The following SLC23A3 variants were observed in gnomAD, a reference collection of about 807,000 sequenced individuals.
The protein encoded by SLC23A3 is E2-binding protein 3.
A neutral mutation model predicts 64.7 loss-of-function variants in SLC23A3; 41 were observed. The ratio of observed to expected loss-of-function variants is 0.63; its 90% CI spans 0.49 to 0.82. The LOEUF is 0.82. SLC23A3 is among the 40% of genes least tolerant of loss of function. The pLI, the probability that SLC23A3 is intolerant of heterozygous loss-of-function variation, is 0.00. For synonymous variants in SLC23A3, 281 were observed against 306.8 expected (o/e 0.92, Z 0.88); for missense variants, 647 against 733.4 (o/e 0.88, Z 1.36).
rs1278880481 is a variant in SLC23A3 at position 219,162,213 on chromosome 2, G to C, written c.1538-9C>G. 1.9e-5 allele frequency: 31 copies of C among 1,610,912 alleles called. No homozygotes were observed. Among genetic ancestry groups the C allele is most frequent in the Non-Finnish European group, 2.5e-5 (29 of 1,177,572 alleles). ...TCGCTCAAGCTGTGTGCCTGCAAAA[G>C]AGAGGTTTGTCAGGCTATTGCCCAT... On this transcript the variant is annotated splice_polypyrimidine_tract_variant and intron_variant, in intron 11 of 11. Transcript: ENST00000409878.
rs556004037 is a variant in SLC23A3, at chr2:219,165,296, G to T, written c.1040C>A (p.Pro347Gln). 2 of 1,551,482 alleles carry T rather than the reference G, an allele frequency of 1.3e-6. No individual in the cohort carries two copies. The highest frequency in any genetic ancestry group is 1.4e-5 in the African/African-American group (1 of 73,060). ...LCGRLLHLPP[P>Q]PPHACSRGLS... is the part of the protein sequence containing the mutation. ...CCCTCGACTGCAGGCATGTGGAGGTGGGGGAGGCAAATGCAGCAGCCGGCC... is the reference window on the plus strand; with the variant it reads ...CCCTCGACTGCAGGCATGTGGAGGTTGGGGAGGCAAATGCAGCAGCCGGCC... Residue 347 changes from proline to glutamine, a missense_variant, in exon 8 of 12, where the codon CCA (proline) becomes CAA (glutamine). Physicochemically the swap from Pro to Gln is moderately conservative, Grantham distance 76 (BLOSUM62 -1). Coordinates refer to ENST00000409878, the MANE Select transcript of SLC23A3 (RefSeq NM_001144889.2).
chr2:219,163,098 T>C (rs1391712143), intron 10 of SLC23A3, among the ~76,000 whole-genome samples: 1 of 152,252 alleles, frequency 6.6e-6, no homozygotes, highest in African/African-American at 2.4e-5. Flanking sequence ...GCTCTGTTAC[T>C]GGATCACCTC....
chr2:219,162,122 C>T lies in SLC23A3; in HGVS notation c.1620G>A (p.Arg540=). The part of the protein sequence containing the change: ...AQEARMPQKP[R]EKAAQVYRLP... ...GTCTGTACACTTGAGCAGCCTTCTCCCTGGGCTTCTGAGGCATTCGAGCCT... is the reference window on the plus strand; with the variant it reads ...GTCTGTACACTTGAGCAGCCTTCTCTCTGGGCTTCTGAGGCATTCGAGCCT... The change falls in exon 12 of 12, where the codon AGG becomes AGA. Residue 540 remains arginine, a synonymous_variant. Transcript: ENST00000409878. 6.2e-7 allele frequency: 1 copy of T among 1,614,164 alleles called. No homozygotes were observed. Among genetic ancestry groups the T allele is most frequent in the Non-Finnish European group, 8.5e-7 (1 of 1,180,034 alleles).
Position 219,168,844 on chromosome 2 carries a change from A to G in SLC23A3, c.493-11T>C, listed in dbSNP as rs1263412052. 6.3e-7 allele frequency: 1 copy of G among 1,575,304 alleles called. No homozygotes were observed. Among genetic ancestry groups the G allele is most frequent in the South Asian group, 1.2e-5 (1 of 84,720 alleles). ...CACTGCCCCGGACACCTGGTAGAAG[A>G]GAGGAGAGGATGGAGAGAAAACATT... On this transcript the variant is annotated splice_polypyrimidine_tract_variant and intron_variant, in intron 4 of 11. Coordinates refer to ENST00000409878, the MANE Select transcript of SLC23A3 (RefSeq NM_001144889.2).
intron 7 of SLC23A3, 28 bp downstream of exon 7, chr2:219,167,902 G>A (rs1950019453): frequency 1.3e-6 from 2 of 1,483,980 alleles, no homozygotes; most frequent in Non-Finnish European, 9.2e-7. Flanking sequence ...ATTTGAACAA[G>A]AGAATGGAGG....
intron 10 of SLC23A3, 42 bp from the exon 11 acceptor site, chr2:219,162,436 T>C: frequency 6.7e-7 from 1 of 1,482,322 alleles, no homozygotes; most frequent in South Asian, 1.2e-5. Flanking sequence ...ACTCTGATCC[T>C]ATATCCAAGC....
rs2106374262 is a variant in SLC23A3, at chr2:219,161,863, A to G, written c.*46T>C. ...AGTTTGGGAGCTGACTCTCCAGCAG[A>G]TGAGAGTTAGGGCTAAATTAACCAG... On this transcript the variant is annotated 3_prime_UTR_variant, in exon 12 of 12. Coordinates refer to ENST00000409878, the MANE Select transcript of SLC23A3 (RefSeq NM_001144889.2). 1 of 1,503,484 alleles carries G rather than the reference A, an allele frequency of 6.7e-7. No homozygotes were observed. Among genetic ancestry groups the G allele is most frequent in the South Asian group, 1.4e-5 (1 of 74,034 alleles). The allele number at this position is 1,503,484 out of a possible 1,614,324, so 93.1% of individuals were successfully genotyped here. A position where few individuals can be genotyped will look rare whatever the true frequency, so the allele number is the denominator to read the frequency against.
chr2:219,169,768 T>C lies in SLC23A3; in HGVS notation c.162+55A>G. 1 of 1,608,612 alleles carries C rather than the reference T, an allele frequency of 6.2e-7. No homozygotes were observed. The highest frequency in any genetic ancestry group is 8.5e-7 in the Non-Finnish European group (1 of 1,177,262). On this transcript the variant is annotated intron_variant, in intron 1 of 11. Coordinates refer to ENST00000409878, the MANE Select transcript of SLC23A3 (RefSeq NM_001144889.2). The surrounding 1 kb of genome is among the most constrained non-coding windows in gnomAD (Gnocchi z 4.5). ...GGCTTTCACATGCCACATCTACACC[T>C]ACTTCCCCACACACACCATCAGGCA... is the stretch of plus-strand genomic sequence containing the variant.
chr2:219,168,585 T>C, intron 5 of SLC23A3, 67 bp downstream of exon 5: 1 of 1,483,496 alleles, frequency 6.7e-7, no homozygotes, highest in Non-Finnish European at 9.2e-7. Flanking sequence ...CCAGCAGTTC[T>C]GCCCTCCCCT....
rs1949982206 is a variant in SLC23A3 at position 219,164,264 on chromosome 2, C to A, written c.1242G>T (p.Gln414His). The part of the protein sequence containing the change: ...VGLGLSPRLA[Q>H]LLTTIPLPVV... ...CAGGCAGTGGGATGGTGGTGAGGAGCTGAGCCAACCTGGGGGAGAGTCCAA... is the reference window on the plus strand; with the variant it reads ...CAGGCAGTGGGATGGTGGTGAGGAGATGAGCCAACCTGGGGGAGAGTCCAA... The change falls in exon 9 of 12, where the codon CAG (glutamine) becomes CAT (histidine). Residue 414 changes from glutamine to histidine, a missense_variant. Transcript: ENST00000409878. 1.9e-6 allele frequency: 3 copies of A among 1,609,770 alleles called. No individual in the cohort carries two copies. Among genetic ancestry groups the A allele is most frequent in the Non-Finnish European group, 2.5e-6 (3 of 1,178,110 alleles).
In SLC23A3 at chr2:219,169,778, C is replaced by T. The variant is rs545033562; in HGVS notation, c.162+45G>A. 10 of 1,612,872 alleles carry T rather than the reference C, an allele frequency of 6.2e-6. No homozygotes were observed. The African/African-American group carries it at 9.3e-5, about 15-fold the overall frequency. On this transcript the variant is annotated intron_variant, in intron 1 of 11. Coordinates refer to ENST00000409878, the MANE Select transcript of SLC23A3 (RefSeq NM_001144889.2). The surrounding 1 kb of genome is among the most constrained non-coding windows in gnomAD (Gnocchi z 4.5). ...TGCCACATCTACACCTACTTCCCCACACACACCATCAGGCAGCACCAACTC... is the reference window on the plus strand; with the variant it reads ...TGCCACATCTACACCTACTTCCCCATACACACCATCAGGCAGCACCAACTC...
At position 219,164,890 on chromosome 2, in the gene SLC23A3, A is replaced by G. The variant is rs1949989260; in HGVS notation, c.1167+279T>C. ...TTTAAAAAGATACTTTTTTCCTTCA[A>G]CTGTCTGCCTCTCCCTCTATGAAGT... is the stretch of plus-strand genomic sequence containing the variant. On this transcript the variant is annotated intron_variant, in intron 8 of 11. Coordinates refer to ENST00000409878, the MANE Select transcript of SLC23A3 (RefSeq NM_001144889.2). The G allele has an allele frequency of 2.9e-5, 14 of 476,290 alleles. No homozygotes were observed. In the South Asian group the frequency reaches 4.7e-4, roughly 16 times the overall value. The allele number at this position is 476,290 out of a possible 1,614,324, so 29.5% of individuals were successfully genotyped here.
At position 219,169,986 on chromosome 2, in the gene SLC23A3, C is replaced by T. The variant is rs1462218395; in HGVS notation, c.-2G>A. Reference sequence around the variant, plus strand: ...GGGATTGAGGGGTGATCGGCTCATGCTGCCTTGCCTTTCGCTTTGTCTTGG... The same window carrying T: ...GGGATTGAGGGGTGATCGGCTCATGTTGCCTTGCCTTTCGCTTTGTCTTGG... On this transcript the variant is annotated 5_prime_UTR_variant, in exon 1 of 12. Transcript: ENST00000409878. This position sits in a 1 kb window ranked among gnomAD's most constrained non-coding sequence, Gnocchi z 4.5. 10 of 1,613,434 alleles carry T rather than the reference C, an allele frequency of 6.2e-6. No homozygotes were observed. The highest frequency in any genetic ancestry group is 5.9e-6 in the Non-Finnish European group (7 of 1,179,846).
In SLC23A3 at chr2:219,161,643, T is replaced by G; in HGVS notation, c.*266A>C. Reference sequence around the variant, plus strand: ...GATGCTCAGTAAGTATTAAAGTGAATGCTGGGGTTCAAGTGGCATTGATAG... The same window carrying G: ...GATGCTCAGTAAGTATTAAAGTGAAGGCTGGGGTTCAAGTGGCATTGATAG... On this transcript the variant is annotated 3_prime_UTR_variant, in exon 12 of 12. Coordinates refer to ENST00000409878, the MANE Select transcript of SLC23A3 (RefSeq NM_001144889.2). 1 of 348,570 alleles carries G rather than the reference T, an allele frequency of 2.9e-6. No individual in the cohort carries two copies. Among genetic ancestry groups the G allele is most frequent in the East Asian group, 4.5e-5 (1 of 22,434 alleles). 21.6% of individuals were successfully genotyped at this position (348,570 alleles called of 1,614,324 possible).
At position 219,169,478 on chromosome 2, in the gene SLC23A3, C is replaced by A. The variant is rs1192564137; in HGVS notation, c.320+43G>T. ...GCAAGGCTCCCCCAAACCTCTCCTACCCTCCAGGACTCTGCCCCTCTCTCC... is the reference window on the plus strand; with the variant it reads ...GCAAGGCTCCCCCAAACCTCTCCTAACCTCCAGGACTCTGCCCCTCTCTCC... On this transcript the variant is annotated intron_variant, in intron 2 of 11. Coordinates refer to ENST00000409878, the MANE Select transcript of SLC23A3 (RefSeq NM_001144889.2). The surrounding 1 kb of genome is among the most constrained non-coding windows in gnomAD (Gnocchi z 4.5). 2 of 1,613,436 alleles carry A rather than the reference C, an allele frequency of 1.2e-6. No individual in the cohort carries two copies. Among genetic ancestry groups the A allele is most frequent in the Non-Finnish European group, 1.7e-6 (2 of 1,179,586 alleles).
In SLC23A3 at chr2:219,161,802, T is replaced by TAC. The variant is rs1408065112; in HGVS notation, c.*105_*106dup. 14 of 1,271,258 alleles carry TAC rather than the reference T, an allele frequency of 1.1e-5. No homozygotes were observed. The highest frequency in any genetic ancestry group is 4.7e-5 in the East Asian group (2 of 42,746). 78.7% of individuals were successfully genotyped at this position (1,271,258 alleles called of 1,614,324 possible). ...GGAACCTCTAGACAGTCCCATGTAATACACACACACATATCCTCTGCCTAC... is the reference window on the plus strand; with the variant it reads ...GGAACCTCTAGACAGTCCCATGTAATACACACACACACATATCCTCTGCCTAC... On this transcript the variant is annotated 3_prime_UTR_variant, in exon 12 of 12. Coordinates refer to ENST00000409878, the MANE Select transcript of SLC23A3 (RefSeq NM_001144889.2).
Position 219,169,697 on chromosome 2 carries a change from G to A in SLC23A3, c.163-19C>T. Reference sequence around the variant, plus strand: ...AGACATGCTGCAGGTGGAGGAATGGGGAGGGCAGTCTTCAGAGAAGTGGAA... The same window carrying A: ...AGACATGCTGCAGGTGGAGGAATGGAGAGGGCAGTCTTCAGAGAAGTGGAA... On this transcript the variant is annotated intron_variant, in intron 1 of 11. Coordinates refer to ENST00000409878, the MANE Select transcript of SLC23A3 (RefSeq NM_001144889.2). This position sits in a 1 kb window ranked among gnomAD's most constrained non-coding sequence, Gnocchi z 4.5. 1 of 1,613,826 alleles carries A rather than the reference G, an allele frequency of 6.2e-7. No homozygotes were observed. Among genetic ancestry groups the A allele is most frequent in the Non-Finnish European group, 8.5e-7 (1 of 1,179,870 alleles).
Position 219,169,808 on chromosome 2 carries a change from A to G in SLC23A3, c.162+15T>C, listed in dbSNP as rs931638956. ...ACCATCAGGCAGCACCAACTCCTGCACCTCTGCCTCCTACCTGCAGAGCCA... is the reference window on the plus strand; with the variant it reads ...ACCATCAGGCAGCACCAACTCCTGCGCCTCTGCCTCCTACCTGCAGAGCCA... On this transcript the variant is annotated intron_variant, in intron 1 of 11. Coordinates refer to ENST00000409878, the MANE Select transcript of SLC23A3 (RefSeq NM_001144889.2). This position sits in a 1 kb window ranked among gnomAD's most constrained non-coding sequence, Gnocchi z 4.5. 2 of 1,613,624 alleles carry G rather than the reference A, an allele frequency of 1.2e-6. No individual in the cohort carries two copies. The highest frequency in any genetic ancestry group is 8.5e-7 in the Non-Finnish European group (1 of 1,179,832).
Position 219,169,794 on chromosome 2 carries a change from G to C in SLC23A3, c.162+29C>G. On this transcript the variant is annotated intron_variant, in intron 1 of 11. Coordinates refer to ENST00000409878, the MANE Select transcript of SLC23A3 (RefSeq NM_001144889.2). This position sits in a 1 kb window ranked among gnomAD's most constrained non-coding sequence, Gnocchi z 4.5. ...ACTTCCCCACACACACCATCAGGCA[G>C]CACCAACTCCTGCACCTCTGCCTCC... 6.2e-7 allele frequency: 1 copy of C among 1,613,278 alleles called. No homozygotes were observed. The highest frequency in any genetic ancestry group is 2.2e-5 in the East Asian group (1 of 44,870).
Sources: allele counts gnomAD v4.1 joint callset (sites outside exome capture counted in the v4.1 genomes callset), GRCh38; gene constraint gnomAD v4.1.1; non-coding constraint Gnocchi (gnomAD v3.1); transcripts MANE v1.5; gene names NCBI Gene and HGNC (gene_info 2026-07-23, HGNC 2026-07-21).